CNTN4: variants seen among roughly 807,000 people sequenced by gnomAD.
CNTN4 encodes contactin 4, also known as contactin-4.
In CNTN4, 77 loss-of-function variants were observed where a neutral mutation model predicts 122.5. The observed-to-expected ratio is 0.63, with a 90% CI of 0.52 to 0.76. The LOEUF is 0.76. CNTN4 is among the 30% of genes least tolerant of loss of function. CNTN4 has a pLI of 0.00. For synonymous variants in CNTN4, 512 were observed against 447.0 expected (o/e 1.15, Z -1.83); for missense variants, 1,256 against 1,259.1 (o/e 1.00, Z 0.04).
chr3:2,733,615 A>C (rs6442750), intron 4 of CNTN4, among the ~76,000 whole-genome samples: 134,309 of 148,658 alleles, frequency 0.9, 60,772 homozygotes, highest in Non-Finnish European at 0.94. Flanking sequence ...TTCACTGGAG[A>C]CTCCGCCTCC....
chr3:2,824,864 T>C (rs1423436109), intron 7 of CNTN4, among the ~76,000 whole-genome samples: 1 of 152,122 alleles, frequency 6.6e-6, no homozygotes, highest in African/African-American at 2.4e-5. Flanking sequence ...GGTTTCACCA[T>C]GTTGGCCAGG....
rs556443297 is a variant in CNTN4 at position 2,916,500 on chromosome 3, A to T, written c.1208-9129A>T. On this transcript the variant is annotated intron_variant, in intron 12 of 24. Transcript: ENST00000418658. ...CCTGAGTGGACACAACACATGTTTC[A>T]GAGAGCACGGGGTTGGGGGTAAGGC... Among the ~76,000 whole-genome samples, 13 of 148,016 alleles carry T rather than the reference A, an allele frequency of 8.8e-5. No homozygotes were observed. In the East Asian group the frequency reaches 2.6e-3, roughly 30 times the overall value.
intron 3 of CNTN4, among the ~76,000 whole-genome samples, chr3:2,390,149 A>G (rs2046390346): frequency 6.6e-6 from 1 of 152,002 alleles, no homozygotes; most frequent in Non-Finnish European, 1.5e-5. Context: ...GAAATATACA[A>G]TAAATTATTT....
chr3:2,675,635 C>A (rs2084801929), intron 4 of CNTN4, among the ~76,000 whole-genome samples: 1 of 152,144 alleles, frequency 6.6e-6, no homozygotes, highest in African/African-American at 2.4e-5. Context: ...AGGTCTGGCA[C>A]ATAGTACATG....
intron 3 of CNTN4, among the ~76,000 whole-genome samples, chr3:2,468,686 G>A (rs760258036): frequency 6.6e-6 from 1 of 152,100 alleles, no homozygotes; most frequent in Non-Finnish European, 1.5e-5. Flanking sequence ...ATTCATGTCA[G>A]CAGTGACCTA....
chr3:2,188,170 T>C (rs2037363002), intron 2 of CNTN4, among the ~76,000 whole-genome samples: 1 of 152,144 alleles, frequency 6.6e-6, no homozygotes, highest in Non-Finnish European at 1.5e-5. Flanking sequence ...TTTTCCTGGG[T>C]GCTTCAGTAC....
intron 23 of CNTN4, among the ~76,000 whole-genome samples, chr3:3,047,377 G>A (rs1194884856): frequency 1.3e-5 from 2 of 152,188 alleles, no homozygotes; most frequent in African/African-American, 4.8e-5. Context: ...ATAGGTGGAA[G>A]TAAAGCACTC....
intron 4 of CNTN4, among the ~76,000 whole-genome samples, chr3:2,721,910 C>T (rs1576569492): frequency 6.6e-6 from 1 of 152,160 alleles, no homozygotes; most frequent in Non-Finnish European, 1.5e-5. Flanking sequence ...GAGATTAGCA[C>T]CCATGTAAGA....
At chr3:2,570,187 T>TC (rs1279828345) in intron 3 of CNTN4, among the ~76,000 whole-genome samples, 2 of 152,050 alleles carry the variant, frequency 1.3e-5, no homozygotes, top group Non-Finnish European at 2.9e-5. Context: ...TTTTTTTTTT[T>TC]CTCTGAGACA....
At chr3:2,538,262 CT>C (rs2077887902) in intron 3 of CNTN4, among the ~76,000 whole-genome samples, 1 of 152,078 alleles carries the variant, frequency 6.6e-6, no homozygotes, top group Non-Finnish European at 1.5e-5. Flanking sequence ...CCCACTGACA[CT>C]TTGATCTCAG....
intron 2 of CNTN4, among the ~76,000 whole-genome samples, chr3:2,323,655 T>C (rs1361596487): frequency 6.6e-6 from 1 of 152,174 alleles, no homozygotes; most frequent in African/African-American, 2.4e-5. Flanking sequence ...TGCTTTCTTT[T>C]TTCCTGGCAG....
At chr3:2,770,365 G>T (rs2091040502) in intron 6 of CNTN4, among the ~76,000 whole-genome samples, 1 of 152,194 alleles carries the variant, frequency 6.6e-6, no homozygotes, top group South Asian at 2.1e-4. Context: ...GGAGGAAAAT[G>T]TTAGAGATTT....
At chr3:2,649,925 T>A (rs2083288329) in intron 4 of CNTN4, among the ~76,000 whole-genome samples, 1 of 151,496 alleles carries the variant, frequency 6.6e-6, no homozygotes, top group Admixed American at 6.6e-5. Context: ...GGCAAGGAAT[T>A]TGAGACCAGC....
chr3:2,858,421 T>C (rs1021120677), intron 7 of CNTN4, among the ~76,000 whole-genome samples: 3 of 152,198 alleles, frequency 2.0e-5, no homozygotes, highest in Non-Finnish European at 2.9e-5. Flanking sequence ...ACTATGTTTG[T>C]TTCAAGAAAA....
At chr3:2,512,156 G>A (rs183944218) in intron 3 of CNTN4, among the ~76,000 whole-genome samples, 1 of 152,104 alleles carries the variant, frequency 6.6e-6, no homozygotes, top group East Asian at 1.9e-4. Flanking sequence ...ACTAAGAAAG[G>A]CAGAAACAGA....
chr3:2,760,477 C>T (rs564913100), intron 6 of CNTN4, among the ~76,000 whole-genome samples: 1 of 152,174 alleles, frequency 6.6e-6, no homozygotes, highest in East Asian at 1.9e-4. Context: ...GACACTTTTG[C>T]CGAAAATCAG....
chr3:3,048,518 G>C (rs201003935), intron 23 of CNTN4, among the ~76,000 whole-genome samples: 156 of 92,476 alleles, frequency 1.7e-3, no homozygotes, highest in Middle Eastern at 5.9e-3. Context: ...CTCTCTCTCT[G>C]TGTGTGTGTG....
chr3:2,535,124 A>C (rs1246123893), intron 3 of CNTN4, among the ~76,000 whole-genome samples: 1 of 152,092 alleles, frequency 6.6e-6, no homozygotes, highest in Non-Finnish European at 1.5e-5. Context: ...TTTAAAGGTA[A>C]TTTTGTCCTC....
intron 6 of CNTN4, among the ~76,000 whole-genome samples, chr3:2,800,711 G>A (rs1339973224): frequency 6.6e-6 from 1 of 152,094 alleles, no homozygotes; most frequent in Non-Finnish European, 1.5e-5. Flanking sequence ...TCTTATAGAG[G>A]TCCCCTCTCT....
Sources: allele counts gnomAD v4.1 joint callset (sites outside exome capture counted in the v4.1 genomes callset), GRCh38; gene constraint gnomAD v4.1.1; transcripts MANE v1.5; gene names NCBI Gene and HGNC (gene_info 2026-07-23, HGNC 2026-07-21).